The following RALGPS1 variants were observed in gnomAD, a reference collection of about 807,000 sequenced individuals.
The protein encoded by RALGPS1 is ras-specific guanine nucleotide-releasing factor RalGPS1.
A neutral mutation model predicts 78.8 loss-of-function variants in RALGPS1; 19 were observed. The ratio of observed to expected loss-of-function variants is 0.24; its 90% CI spans 0.17 to 0.35. The LOEUF (loss-of-function observed/expected upper bound fraction) is 0.35, where lower values mean the gene tolerates loss of function less well. Among genes scored for constraint, RALGPS1 ranks in the 10% least tolerant of loss-of-function variants. The pLI is 1.00. For missense variants in RALGPS1, 454 were observed against 688.3 expected (o/e 0.66, Z 3.81); for synonymous variants, 228 against 256.3 (o/e 0.89, Z 1.06).
chr9:127,058,037 A>C (rs2048889736), intron 7 of RALGPS1, among the ~76,000 whole-genome samples: 1 of 152,214 alleles, frequency 6.6e-6, no homozygotes, highest in Admixed American at 6.5e-5. Flanking sequence ...CAGGCCATGT[A>C]CTTTCAGTCA....
intron 18 of RALGPS1, among the ~76,000 whole-genome samples, chr9:127,216,450 G>A (rs1475376241): frequency 1.3e-5 from 2 of 152,212 alleles, no homozygotes; most frequent in Non-Finnish European, 2.9e-5. Context: ...CTGCAGCATT[G>A]TTCTTGATAG....
At chr9:127,090,356 G>A (rs1419449302) in intron 8 of RALGPS1, among the ~76,000 whole-genome samples, 1 of 152,264 alleles carries the variant, frequency 6.6e-6, no homozygotes, top group African/African-American at 2.4e-5. Context: ...CAGCTCTGAA[G>A]GTTATCCTTC....
intron 1 of RALGPS1, among the ~76,000 whole-genome samples, chr9:126,943,983 C>G (rs890349831): frequency 1.1e-4 from 17 of 152,228 alleles, no homozygotes; most frequent in Admixed American, 1.1e-3. Context: ...AACTCAGAGA[C>G]CCTCATTATA....
intron 10 of RALGPS1, among the ~76,000 whole-genome samples, chr9:127,172,760 G>A (rs1019564735): frequency 3.3e-5 from 5 of 151,488 alleles, no homozygotes; most frequent in African/African-American, 1.2e-4. Context: ...CTCATTTTTC[G>A]GGTTTTGTTT....
chr9:127,176,468 T>G (rs2059883361), intron 11 of RALGPS1, among the ~76,000 whole-genome samples: 2 of 152,154 alleles, frequency 1.3e-5, no homozygotes. Flanking sequence ...CAGCAGTTGT[T>G]AAGAGCTACA....
At chr9:126,949,477 G>T (rs1485528763) in intron 1 of RALGPS1, among the ~76,000 whole-genome samples, 1 of 152,098 alleles carries the variant, frequency 6.6e-6, no homozygotes, top group Non-Finnish European at 1.5e-5. Flanking sequence ...AGCACCTGTT[G>T]TTTCCTGACT....
intron 4 of RALGPS1, among the ~76,000 whole-genome samples, chr9:127,003,655 A>G (rs2133689173): frequency 6.6e-6 from 1 of 152,246 alleles, no homozygotes; most frequent in East Asian, 1.9e-4. Context: ...ATTTAGCTTA[A>G]TAGATACTGC....
Position 127,204,689 on chromosome 9 carries a change from G to C in RALGPS1, c.1247+5623G>C, listed in dbSNP as rs138638293. Among the ~76,000 whole-genome samples, 77 of 152,278 alleles carry C rather than the reference G, an allele frequency of 5.1e-4. No homozygotes were observed. In the East Asian group the frequency reaches 0.014, roughly 29 times the overall value. ...GGGGTGGTGCTGTAGGGCGTTCAGG[G>C]AGTTGGGTGATGCAGTTTCTGCCCA... On this transcript the variant is annotated intron_variant, in intron 14 of 18. Transcript: ENST00000259351.
chr9:127,212,222 G>A lies in RALGPS1; in HGVS notation c.1339G>A (p.Gly447Arg). 6.2e-7 allele frequency: 1 copy of A among 1,613,422 alleles called. No homozygotes were observed. Among genetic ancestry groups the A allele is most frequent in the South Asian group, 1.1e-5 (1 of 91,016 alleles). Reference sequence around the variant, plus strand: ...GAGAAGAAAAACCCTGCTCAAGGAAGGGCGGAAGCCTGCGGTAAGTACAGA... The same window carrying A: ...GAGAAGAAAAACCCTGCTCAAGGAAAGGCGGAAGCCTGCGGTAAGTACAGA... ...PLRRKTLLKE[G>R]RKPALSSWTR... Residue 447 changes from glycine (G) to arginine (R), a missense_variant, in exon 15 of 19, where the codon GGG becomes AGG. Transcript: ENST00000259351. This position sits in a 1 kb window ranked among gnomAD's most constrained non-coding sequence, Gnocchi z 6.0.
At chr9:127,208,274 C>A (rs2062040634) in intron 14 of RALGPS1, among the ~76,000 whole-genome samples, 1 of 152,230 alleles carries the variant, frequency 6.6e-6, no homozygotes, top group Non-Finnish European at 1.5e-5. Flanking sequence ...TGACAAATCC[C>A]AGGCAGCGTG....
At chr9:127,076,830 G>T (rs1182934906) in intron 8 of RALGPS1, among the ~76,000 whole-genome samples, 1 of 152,206 alleles carries the variant, frequency 6.6e-6, no homozygotes, top group African/African-American at 2.4e-5. Context: ...CAGCTAGTCT[G>T]GGGGAACCAG....
chr9:127,104,200 G>A (rs1027847223), intron 8 of RALGPS1, among the ~76,000 whole-genome samples: 4 of 152,172 alleles, frequency 2.6e-5, no homozygotes, highest in African/African-American at 7.2e-5. Context: ...AGCTAAAAGT[G>A]CTCACTCCTT....
At chr9:127,009,740 C>A (rs1037549513) in intron 4 of RALGPS1, among the ~76,000 whole-genome samples, 5 of 152,094 alleles carry the variant, frequency 3.3e-5, no homozygotes, top group African/African-American at 1.2e-4. Flanking sequence ...TTTAAAGCTA[C>A]CACCATCTAC....
chr9:127,054,422 A>G (rs554541178), intron 7 of RALGPS1, among the ~76,000 whole-genome samples: 2 of 152,234 alleles, frequency 1.3e-5, no homozygotes, highest in African/African-American at 4.8e-5. Flanking sequence ...CAATCCCTAT[A>G]AGCTGTACAG....
chr9:127,069,381 T>C, intron 8 of RALGPS1, 25 bp downstream of exon 8: 1 of 1,604,682 alleles, frequency 6.2e-7, no homozygotes, highest in Non-Finnish European at 8.5e-7. Flanking sequence ...TGGCTTATTT[T>C]TTTTTAAGAA....
chr9:127,004,629 A>G (rs539641337), intron 4 of RALGPS1, among the ~76,000 whole-genome samples: 44 of 152,286 alleles, frequency 2.9e-4, no homozygotes, highest in African/African-American at 1.0e-3. Context: ...AATTTATGAA[A>G]CTGTAACTTA....
intron 3 of RALGPS1, among the ~76,000 whole-genome samples, chr9:126,974,907 G>A (rs1022402418): frequency 1.3e-5 from 2 of 152,042 alleles, no homozygotes; most frequent in African/African-American, 2.4e-5. Context: ...CCGAGAGCTG[G>A]CTATGAAGTG....
chr9:127,136,341 T>G (rs1314629769), intron 8 of RALGPS1, among the ~76,000 whole-genome samples: 1 of 152,184 alleles, frequency 6.6e-6, no homozygotes, highest in South Asian at 2.1e-4. Flanking sequence ...AGAGATGATT[T>G]GGTGAAGTGA....
intron 4 of RALGPS1, among the ~76,000 whole-genome samples, chr9:127,008,330 C>T (rs2044044452): frequency 6.6e-6 from 1 of 152,150 alleles, no homozygotes. Context: ...TGCCTTCTGG[C>T]AGAACTCTAG....
Sources: allele counts gnomAD v4.1 joint callset (sites outside exome capture counted in the v4.1 genomes callset), GRCh38; gene constraint gnomAD v4.1.1; non-coding constraint Gnocchi (gnomAD v3.1); transcripts MANE v1.5; gene names NCBI Gene and HGNC (gene_info 2026-07-23, HGNC 2026-07-21).